The following FAM120B variants were observed in gnomAD, a reference collection of about 807,000 sequenced individuals.
FAM120B encodes the protein constitutive coactivator of peroxisome proliferator-activated receptor gamma.
Under a neutral mutation model 96.3 loss-of-function variants are expected in FAM120B, and 83 were observed. That is an observed-to-expected ratio of 0.86 (90% CI 0.72 to 1.03). The LOEUF is 1.03. FAM120B is among the 50% of genes least tolerant of loss of function. The probability of loss-of-function intolerance (pLI) is 0.00; values close to 1 mark genes in which losing one functional copy is unlikely to be tolerated. For missense variants in FAM120B, 1,027 were observed against 1,121.2 expected, an observed-to-expected ratio of 0.92 and a Z score of 1.20; for synonymous variants, 407 against 402.7, an observed-to-expected ratio of 1.01 and a Z score of -0.13.
chr6:170,362,684 C>CT (rs759098041), intron 6 of FAM120B, among the ~76,000 whole-genome samples: 3,079 of 139,748 alleles, frequency 0.022, 108 homozygotes, highest in African/African-American at 0.072. Flanking sequence ...TTTCTTTTTT[C>CT]TTTTTTTTTT....
chr6:170,321,774 G>A (rs749924240), intron 2 of FAM120B, among the ~76,000 whole-genome samples: 11 of 152,220 alleles, frequency 7.2e-5, no homozygotes, highest in Non-Finnish European at 1.5e-4. Context: ...AATCCTCACA[G>A]TAGTCCTGGG....
At chr6:170,300,423 A>G (rs1396500689) in intron 1 of FAM120B, among the ~76,000 whole-genome samples, 1 of 152,196 alleles carries the variant, frequency 6.6e-6, no homozygotes, top group Non-Finnish European at 1.5e-5. Context: ...TATGGGAACT[A>G]CAGTTCAAGA....
chr6:170,401,134 C>G (rs1778558930), intron 9 of FAM120B, among the ~76,000 whole-genome samples: 1 of 152,184 alleles, frequency 6.6e-6, no homozygotes. Flanking sequence ...AGCCCTGGGT[C>G]CCTGCCAGGG....
intron 6 of FAM120B, among the ~76,000 whole-genome samples, chr6:170,384,669 A>C (rs1439506378): frequency 1.3e-5 from 2 of 152,264 alleles, no homozygotes; most frequent in African/African-American, 2.4e-5. Flanking sequence ...AAAACGAAGC[A>C]GACATATCTG....
intron 9 of FAM120B, among the ~76,000 whole-genome samples, chr6:170,403,302 G>C (rs1184805538): frequency 2.0e-5 from 3 of 152,142 alleles, no homozygotes; most frequent in Non-Finnish European, 4.4e-5. Context: ...CTTTTCAGTT[G>C]TAATTACTGT....
At chr6:170,332,245 TATC>T (rs765484113) in intron 4 of FAM120B, among the ~76,000 whole-genome samples, 1 of 152,270 alleles carries the variant, frequency 6.6e-6, no homozygotes, top group African/African-American at 2.4e-5. Flanking sequence ...ACTAATGCAA[TATC>T]ATCAATAATG....
intron 6 of FAM120B, among the ~76,000 whole-genome samples, chr6:170,366,902 T>A (rs1345223170): frequency 6.6e-6 from 1 of 152,162 alleles, no homozygotes; most frequent in East Asian, 1.9e-4. Context: ...TTTTAGATTT[T>A]TTTTTTCTCT....
chr6:170,332,149 T>C (rs1274309437), intron 4 of FAM120B, among the ~76,000 whole-genome samples: 3 of 152,224 alleles, frequency 2.0e-5, no homozygotes, highest in Non-Finnish European at 4.4e-5. Context: ...TCAAACACAC[T>C]CATTTCCACA....
intron 4 of FAM120B, among the ~76,000 whole-genome samples, chr6:170,341,992 A>G (rs1223794932): frequency 6.6e-6 from 1 of 152,210 alleles, no homozygotes; most frequent in Non-Finnish European, 1.5e-5. Flanking sequence ...TGACATGATC[A>G]CAAGGTCCCA....
chr6:170,346,808 G>A (rs951671519), intron 4 of FAM120B, among the ~76,000 whole-genome samples: 19 of 151,926 alleles, frequency 1.3e-4, no homozygotes, highest in African/African-American at 4.1e-4. Flanking sequence ...TCCCGAGACT[G>A]CACACGTTGC....
intron 3 of FAM120B, among the ~76,000 whole-genome samples, chr6:170,329,740 CTGTTTTTG>C (rs748514741): frequency 2.0e-5 from 3 of 152,072 alleles, no homozygotes; most frequent in Non-Finnish European, 4.4e-5. Flanking sequence ...CTTTTGATTC[CTGTTTTTG>C]TGTTTTTGTG....
intron 4 of FAM120B, among the ~76,000 whole-genome samples, chr6:170,333,915 A>T (rs1786241064): frequency 6.6e-6 from 1 of 151,966 alleles, no homozygotes. Context: ...CATTTCCCAA[A>T]CCCAGCTCGT....
At chr6:170,333,891 C>T (rs2115080302) in intron 4 of FAM120B, among the ~76,000 whole-genome samples, 1 of 152,246 alleles carries the variant, frequency 6.6e-6, no homozygotes, top group East Asian at 1.9e-4. Context: ...TTTCTGATAA[C>T]ACAGTTTAGC....
chr6:170,316,366 G>A (rs914477477), intron 1 of FAM120B, among the ~76,000 whole-genome samples: 1 of 152,140 alleles, frequency 6.6e-6, no homozygotes, highest in African/African-American at 2.4e-5. Flanking sequence ...ATTTTTTGTT[G>A]TGTTTTATCA....
intron 7 of FAM120B, 61 bp from the exon 8 acceptor site, chr6:170,390,952 T>A: frequency 1.4e-6 from 2 of 1,384,920 alleles, no homozygotes; most frequent in Non-Finnish European, 2.0e-6. Context: ...TCCAGCCACA[T>A]CTGGCCCTAC....
At chr6:170,376,807 A>C (rs1789550998) in intron 6 of FAM120B, among the ~76,000 whole-genome samples, 1 of 152,198 alleles carries the variant, frequency 6.6e-6, no homozygotes, top group South Asian at 2.1e-4. Flanking sequence ...GCTTGGTAAG[A>C]AATAGAAGTC....
chr6:170,366,405 G>A (rs3734767), intron 6 of FAM120B, among the ~76,000 whole-genome samples: 144 of 152,268 alleles, frequency 9.5e-4, no homozygotes, highest in African/African-American at 3.3e-3. Context: ...GGGGGTGGCC[G>A]GGAAGGGGAA....
At chr6:170,377,930 A>T (rs995757977) in intron 6 of FAM120B, among the ~76,000 whole-genome samples, 2 of 117,870 alleles carry the variant, frequency 1.7e-5, no homozygotes, top group Non-Finnish European at 3.6e-5. Flanking sequence ...GGAGAGCACC[A>T]TTCATTCTGG....
In FAM120B at chr6:170,363,742, A is replaced by G. The variant is rs891201257; in HGVS notation, c.2283+5424A>G. Among the ~76,000 whole-genome samples the G allele has an allele frequency of 6.6e-6, 1 of 152,236 alleles. No homozygotes were observed. Among genetic ancestry groups the G allele is most frequent in the Non-Finnish European group, 1.5e-5 (1 of 68,042 alleles). ...GCATTCCTACAGTGAGATTATATCA[A>G]GAAAGCACTTATTAAACATCATGTT... is the stretch of plus-strand genomic sequence containing the variant. On this transcript the variant is annotated intron_variant, in intron 6 of 10. Transcript: ENST00000476287. The surrounding 1 kb of genome is among the most constrained non-coding windows in gnomAD (Gnocchi z 4.5).
Sources: allele counts gnomAD v4.1 joint callset (sites outside exome capture counted in the v4.1 genomes callset), GRCh38; gene constraint gnomAD v4.1.1; non-coding constraint Gnocchi (gnomAD v3.1); transcripts MANE v1.5; gene names NCBI Gene and HGNC (gene_info 2026-07-23, HGNC 2026-07-21).